The following ABCA8 variants were observed in gnomAD, a reference collection of about 807,000 sequenced individuals.
ABCA8 encodes ABC-type organic anion transporter ABCA8.
In ABCA8, 177 loss-of-function variants were observed where a neutral mutation model predicts 192.3. The observed-to-expected ratio is 0.92, with a 90% CI of 0.81 to 1.04. The LOEUF is 1.04. Ranked by LOEUF, ABCA8 falls within the 50% of genes least tolerant of loss-of-function variation. The probability of loss-of-function intolerance (pLI) is 0.00; values close to 1 mark genes in which losing one functional copy is unlikely to be tolerated. For synonymous variants in ABCA8, 642 were observed against 690.2 expected (o/e 0.93, Z 1.09); for missense variants, 1,915 against 1,904.8 (o/e 1.01, Z -0.10).
intron 1 of ABCA8, among the ~76,000 whole-genome samples, chr17:68,951,823 CTA>C (rs2068575794): frequency 6.6e-6 from 1 of 152,142 alleles, no homozygotes; most frequent in Non-Finnish European, 1.5e-5. Flanking sequence ...ATATAAAAAA[CTA>C]TCAATGCATT....
intron 37 of ABCA8, 47 bp from the exon 38 acceptor site, chr17:68,869,826 T>TCTGGCACAA: frequency 8.2e-7 from 1 of 1,221,822 alleles, no homozygotes; most frequent in Non-Finnish European, 1.2e-6. Context: ...TTGTGCCAGA[T>TCTGGCACAA]GTGAACTGAT....
At position 68,876,525 on chromosome 17, in the gene ABCA8, G is replaced by T; in HGVS notation, c.4305C>A (p.Asn1435Lys). 6.2e-7 allele frequency: 1 copy of T among 1,614,056 alleles called. No individual in the cohort carries two copies. The highest frequency in any genetic ancestry group is 8.5e-7 in the Non-Finnish European group (1 of 1,179,974). The change falls in exon 35 of 40, where the codon AAC becomes AAA. Residue 1435 changes from asparagine (N) to lysine (K), a missense_variant. Transcript: ENST00000586539. ...GCTCATCCAGAAGCACCACTGACGG[G>T]TTCCCCAGTATGCTCAGGACAAAGC... ...KLCFVLSILG[N>K]PSVVLLDEPS...
In ABCA8 at chr17:68,887,100, G is replaced by A. The variant is rs185288947; in HGVS notation, c.3346C>T (p.Leu1116Phe). 2.9e-5 allele frequency: 47 copies of A among 1,611,344 alleles called. 1 individual carries two copies. The Admixed American group carries it at 7.9e-4, about 27-fold the overall frequency. The part of the protein sequence containing the change: ...IPCAVGYSFS[L>F]IFMTYVISFI... ...GAAATCACGTATGTCATGAAGATGAGGGAAAAGGAATAACCAACAGCACAT... is the reference window on the plus strand; with the variant it reads ...GAAATCACGTATGTCATGAAGATGAAGGAAAAGGAATAACCAACAGCACAT... Residue 1116 changes from leucine to phenylalanine, a missense_variant, in exon 26 of 40, where the codon CTC (leucine) becomes TTC (phenylalanine). Leu to Phe is a conservative substitution (Grantham distance 22, BLOSUM62 0). Transcript: ENST00000586539.
intron 21 of ABCA8, among the ~76,000 whole-genome samples, chr17:68,901,723 G>A (rs749346668): frequency 9.9e-5 from 15 of 151,422 alleles, no homozygotes; most frequent in Admixed American, 2.6e-4. Context: ...CAGGAGAATC[G>A]CTTGAATCTG....
chr17:68,918,194 G>A lies in ABCA8; in HGVS notation c.1909-9C>T, dbSNP rs180882268. 15 of 1,613,912 alleles carry A rather than the reference G, an allele frequency of 9.3e-6. No homozygotes were observed. The highest frequency in any genetic ancestry group is 2.2e-5 in the East Asian group (1 of 44,872). ...TCATCCAACAGGAAAATCTATAAACGAGGAAAGTATATAAGGCGGTTTTCC... is the reference window on the plus strand; with the variant it reads ...TCATCCAACAGGAAAATCTATAAACAAGGAAAGTATATAAGGCGGTTTTCC... On this transcript the variant is annotated splice_polypyrimidine_tract_variant and intron_variant, in intron 15 of 39. Coordinates refer to ENST00000586539, the MANE Select transcript of ABCA8 (RefSeq NM_001288985.2).
chr17:68,917,915 T>C, intron 16 of ABCA8, 132 bp downstream of exon 16: 3 of 1,120,506 alleles, frequency 2.7e-6, no homozygotes, highest in East Asian at 4.9e-5. Context: ...CAGTTCAAAT[T>C]ACCACCAGCC....
Position 68,903,447 on chromosome 17 carries a change from C to A in ABCA8, c.2451G>T (p.Arg817Ser), listed in dbSNP as rs575245439. The change falls in exon 20 of 40, where the codon AGG becomes AGT. Residue 817 changes from arginine (R) to serine (S), a missense_variant. Coordinates refer to ENST00000586539, the MANE Select transcript of ABCA8 (RefSeq NM_001288985.2). Reference protein sequence around the residue: ...VQAEKADDTERLVEMEQVLSS... With the variant: ...VQAEKADDTESLVEMEQVLSS... ...AGAGGACTTGTTCCATCTCAACAAG[C>A]CTTTCAGTGTCGTCAGCTTTTTCCG... 1.2e-4 allele frequency: 194 copies of A among 1,613,998 alleles called. No individual in the cohort carries two copies. In the Admixed American group the frequency reaches 3.2e-3, roughly 27 times the overall value.
In ABCA8 at chr17:68,924,829, C is replaced by T. The variant is rs769271507; in HGVS notation, c.1314G>A (p.Lys438=). The T allele has an allele frequency of 6.2e-7, 1 of 1,614,000 alleles. No homozygotes were observed. Among genetic ancestry groups the T allele is most frequent in the South Asian group, 1.1e-5 (1 of 91,060 alleles). ...GHRRPPLFFL[K]SSFWSQTQKT... is the part of the protein sequence containing the mutation. ...TTTGTGTTTGAGACCAAAATGAGGA[C>T]TTCAGGAAAAACAAAGGTGGACGTC... Residue 438 remains lysine (K), a synonymous_variant, in exon 11 of 40, where the codon AAG becomes AAA. Coordinates refer to ENST00000586539, the MANE Select transcript of ABCA8 (RefSeq NM_001288985.2).
At chr17:68,884,738 T>G (rs1349523824) in intron 27 of ABCA8, 1 of 1,058,258 alleles carries the variant, frequency 9.4e-7, no homozygotes, top group Admixed American at 5.4e-5. Flanking sequence ...GCCCCTTCTC[T>G]TCCTTTCCCC....
intron 11 of ABCA8, among the ~76,000 whole-genome samples, chr17:68,923,814 T>C (rs1217693035): frequency 1.3e-5 from 2 of 152,184 alleles, no homozygotes; most frequent in Non-Finnish European, 2.9e-5. Flanking sequence ...TCATTGATGA[T>C]GAGTATGACT....
intron 2 of ABCA8, among the ~76,000 whole-genome samples, chr17:68,945,546 A>G (rs570280357): frequency 1.3e-5 from 2 of 152,266 alleles, no homozygotes; most frequent in Admixed American, 1.3e-4. Flanking sequence ...ATAAATGCAC[A>G]TTCCTTCATA....
intron 5 of ABCA8, among the ~76,000 whole-genome samples, chr17:68,935,293 T>TGTGTGTGTGTGTG (rs1491187643): frequency 1.3e-5 from 2 of 149,462 alleles, no homozygotes; most frequent in East Asian, 2.0e-4. Flanking sequence ...TGTGTGTGTG[T>TGTGTGTGTGTGTG]TTCAGTAGAG....
chr17:68,912,595 T>G (rs1390126553), intron 17 of ABCA8, among the ~76,000 whole-genome samples: 1 of 152,200 alleles, frequency 6.6e-6, no homozygotes, highest in African/African-American at 2.4e-5. Flanking sequence ...GAAATAGATA[T>G]CTTTATATTA....
rs762809079 is a variant in ABCA8 at position 68,933,172 on chromosome 17, A to C, written c.566T>G (p.Ile189Arg). 1.9e-6 allele frequency: 3 copies of C among 1,608,106 alleles called. No individual in the cohort carries two copies. The highest frequency in any genetic ancestry group is 2.6e-6 in the Non-Finnish European group (3 of 1,175,358). ...CTTTGAACATTTTGTACTCACTTCTATAATAGCAGCATTAATGGCAGCTTG... is the reference window on the plus strand; with the variant it reads ...CTTTGAACATTTTGTACTCACTTCTCTAATAGCAGCATTAATGGCAGCTTG... ...ALQAAINAAI[I>R]EITTNHSVME... The change falls in exon 6 of 40, where the codon ATA becomes AGA. Residue 189 changes from isoleucine (I) to arginine (R), a missense_variant. Physicochemically the swap from Ile to Arg is moderately conservative, Grantham distance 97. Coordinates refer to ENST00000586539, the MANE Select transcript of ABCA8 (RefSeq NM_001288985.2).
chr17:68,925,105 G>T (rs1311464670), intron 10 of ABCA8, among the ~76,000 whole-genome samples: 1 of 152,072 alleles, frequency 6.6e-6, no homozygotes, highest in Admixed American at 6.6e-5. Flanking sequence ...TATTTCAAAA[G>T]GAATTTAAAT....
In ABCA8 at chr17:68,887,894, A is replaced by ATATATATATATATATATATAT. The variant is rs1555607357; in HGVS notation, c.3145-389_3145-388insATATATATATATATATATATA. Among the ~76,000 whole-genome samples the ATATATATATATATATATATAT allele has an allele frequency of 3.6e-3, 159 of 43,782 alleles. 4 individuals are homozygous for ATATATATATATATATATATAT. Among genetic ancestry groups the ATATATATATATATATATATAT allele is most frequent in the African/African-American group, 0.026 (155 of 6,052 alleles). The allele number at this position is 43,782 out of a possible 152,430, so 28.7% of individuals were successfully genotyped here. A position where few individuals can be genotyped will look rare whatever the true frequency, so the allele number is the denominator to read the frequency against. ...TTTTCTCTCCTCCATATATATATAT[A>ATATATATATATATATATATAT]TATATATATATATCCATATATATAT... On this transcript the variant is annotated intron_variant, in intron 24 of 39. Transcript: ENST00000586539.
At chr17:68,938,004 T>A (rs2068116327) in intron 4 of ABCA8, among the ~76,000 whole-genome samples, 2 of 152,272 alleles carry the variant, frequency 1.3e-5, no homozygotes, top group Admixed American at 1.3e-4. Context: ...TGGTTTTGAA[T>A]GAGGTAATGT....
At chr17:68,884,009 C>T (rs2066398373) in intron 28 of ABCA8, 127 bp from the exon 29 acceptor site, 2 of 665,448 alleles carry the variant, frequency 3.0e-6, no homozygotes, top group Admixed American at 3.5e-5. Flanking sequence ...CTCCTAATAA[C>T]CTATCCAGCA....
chr17:68,893,301 C>G (rs1368224074), intron 23 of ABCA8, among the ~76,000 whole-genome samples: 1 of 152,174 alleles, frequency 6.6e-6, no homozygotes, highest in Non-Finnish European at 1.5e-5. Context: ...GGAATCATTA[C>G]AAACTTTTAG....
Sources: gnomAD v4.1 joint callset for allele counts (sites outside exome capture counted in the v4.1 genomes callset) on GRCh38, gnomAD v4.1.1 for gene constraint, MANE v1.5 for transcripts, NCBI Gene and HGNC (gene_info 2026-07-23, HGNC 2026-07-21) for gene names.